MCM5: variants seen among roughly 807,000 people sequenced by gnomAD.
The protein encoded by MCM5 is minichromosome maintenance complex component 5.
MCM5 carries 46 observed loss-of-function variants against 79.9 expected under a neutral mutation model. That is an observed-to-expected ratio of 0.58 (90% CI 0.45 to 0.74). MCM5 has a LOEUF of 0.74. MCM5 is among the 30% of genes least tolerant of loss of function. The pLI, the probability that MCM5 is intolerant of heterozygous loss-of-function variation, is 0.00. For missense variants in MCM5, 883 were observed against 1,017.0 expected, an observed-to-expected ratio of 0.87 and a Z score of 1.79; for synonymous variants, 404 against 390.5, an observed-to-expected ratio of 1.03 and a Z score of -0.41.
chr22:35,408,355 G>A (rs1932278347), intron 5 of MCM5, 53 bp from the exon 6 acceptor site: 16 of 1,557,612 alleles, frequency 1.0e-5, no homozygotes, highest in African/African-American at 1.4e-5. Flanking sequence ...AATGAGCCCT[G>A]CCTTTGGATT....
intron 14 of MCM5, among the ~76,000 whole-genome samples, chr22:35,421,089 C>T (rs1286095671): frequency 6.9e-6 from 1 of 145,374 alleles, no homozygotes; most frequent in East Asian, 2.0e-4. Flanking sequence ...GATCATGCCA[C>T]TACATTCCAG....
rs1376159088 is a variant in MCM5, at chr22:35,421,403, G to A, written c.1918G>A (p.Ala640Thr). 2 of 1,614,004 alleles carry A rather than the reference G, an allele frequency of 1.2e-6. No homozygotes were observed. Among genetic ancestry groups the A allele is most frequent in the Non-Finnish European group, 1.7e-6 (2 of 1,180,052 alleles). The change falls in exon 15 of 17, where the codon GCC becomes ACC. Residue 640 changes from alanine (A) to threonine (T), a missense_variant. Physicochemically the swap from Ala to Thr is moderately conservative, Grantham distance 58. Coordinates refer to ENST00000216122, the MANE Select transcript of MCM5 (RefSeq NM_006739.4). ...PFATEADVEE[A>T]LRLFQVSTLD... Reference sequence around the variant, plus strand: ...CGCCACAGAGGCAGATGTGGAGGAGGCCCTGCGGCTCTTCCAAGTGTCCAC... The same window carrying A: ...CGCCACAGAGGCAGATGTGGAGGAGACCCTGCGGCTCTTCCAAGTGTCCAC...
At chr22:35,437,959 C>G in the MCM5 span, among the ~76,000 whole-genome samples, 1 of 152,120 alleles carries the variant, frequency 6.6e-6, no homozygotes, top group Non-Finnish European at 1.5e-5. Flanking sequence ...CCAGGACACA[C>G]AGCAAGTTAG....
intron 2 of MCM5, chr22:35,401,240 T>C (rs540941621): frequency 3.1e-4 from 117 of 375,504 alleles, no homozygotes; most frequent in South Asian, 2.1e-3. Context: ...ATCTTGTTCC[T>C]GTTCATCTGC....
intron 9 of MCM5, among the ~76,000 whole-genome samples, chr22:35,415,237 A>G (rs1378141177): frequency 6.6e-6 from 1 of 152,138 alleles, no homozygotes; most frequent in Admixed American, 6.5e-5. Context: ...AAACAGGTGA[A>G]GTTACTTCTG....
At chr22:35,446,689 G>A in the MCM5 span, among the ~76,000 whole-genome samples, 1 of 152,234 alleles carries the variant, frequency 6.6e-6, no homozygotes, top group East Asian at 1.9e-4. Context: ...AGGAATGGAA[G>A]CCTCCCTCAA....
At chr22:35,421,192 G>C (rs2072108476) in intron 14 of MCM5, 126 bp from the exon 15 acceptor site, 3 of 792,624 alleles carry the variant, frequency 3.8e-6, no homozygotes, top group Non-Finnish European at 3.9e-6. Flanking sequence ...GATGGATTAT[G>C]GGGACACCTA....
intron 12 of MCM5, 24 bp from the exon 13 acceptor site, chr22:35,417,720 C>G (rs1440275236): frequency 1.3e-6 from 2 of 1,538,220 alleles, no homozygotes; most frequent in Non-Finnish European, 1.8e-6. Context: ...TGTGGGATGA[C>G]CCATTATCCC....
At chr22:35,404,006 A>C (rs1932141129) in intron 4 of MCM5, among the ~76,000 whole-genome samples, 1 of 152,088 alleles carries the variant, frequency 6.6e-6, no homozygotes, top group African/African-American at 2.4e-5. Context: ...GGCTACTTGG[A>C]AGGCTGAAGT....
At chr22:35,440,914 G>A in the MCM5 span, among the ~76,000 whole-genome samples, 2 of 152,138 alleles carry the variant, frequency 1.3e-5, no homozygotes, top group East Asian at 1.9e-4. Context: ...AAAATTAGCC[G>A]GGTGTGGTGG....
intron 9 of MCM5, among the ~76,000 whole-genome samples, chr22:35,414,679 C>T (rs1432033202): frequency 1.3e-5 from 2 of 152,076 alleles, no homozygotes; most frequent in Non-Finnish European, 2.9e-5. Context: ...CCAGACACTG[C>T]TTGAAGTACT....
At chr22:35,436,118 C>T in the MCM5 span, among the ~76,000 whole-genome samples, 25 of 147,060 alleles carry the variant, frequency 1.7e-4, 1 homozygote, top group Middle Eastern at 3.2e-3. Flanking sequence ...GAACTGAGAT[C>T]GCACCACTGC....
rs761898056 is a variant in MCM5 at position 35,400,589 on chromosome 22, T to C, written c.151T>C (p.Phe51Leu). 11 of 1,611,184 alleles carry C rather than the reference T, an allele frequency of 6.8e-6. No homozygotes were observed. Among genetic ancestry groups the C allele is most frequent in the Middle Eastern group, 1.7e-4 (1 of 6,020 alleles). ...CCGAGTGGGCACCGACCGCACGGGC[T>C]TCACCTTCAAATACAGGTGCGGCTC... ...QYRVGTDRTGFTFKYRDELKR... is the reference protein window; with the variant it reads ...QYRVGTDRTGLTFKYRDELKR... Residue 51 changes from phenylalanine to leucine, a missense_variant, in exon 2 of 17, where the codon TTC (phenylalanine) becomes CTC (leucine). By Grantham distance (22) the Phe-to-Leu change is conservative. Transcript: ENST00000216122.
Position 35,400,500 on chromosome 22 carries a change from C to T in MCM5, c.62C>T (p.Ala21Val), listed in dbSNP as rs577905878. 2.2e-5 allele frequency: 35 copies of T among 1,614,108 alleles called. 1 individual carries two copies. In the South Asian group the frequency reaches 3.4e-4, roughly 16 times the overall value. ...GACAGCTTCGGGGGCGACGCCCAGG[C>T]CGACGAGGGGCAGGCCCGCAAATCG... ...YSDSFGGDAQ[A>V]DEGQARKSQL... The change falls in exon 2 of 17, where the codon GCC (alanine) becomes GTC (valine). Residue 21 changes from alanine (A) to valine (V), a missense_variant. Coordinates refer to ENST00000216122, the MANE Select transcript of MCM5 (RefSeq NM_006739.4).
chr22:35,406,462 C>G, intron 4 of MCM5, 91 bp from the exon 5 acceptor site: 1 of 1,268,208 alleles, frequency 7.9e-7, no homozygotes, highest in East Asian at 2.3e-5. Flanking sequence ...TGCCCACCTC[C>G]TCCAGGCTCC....
chr22:35,451,282 C>CAG, the MCM5 span, among the ~76,000 whole-genome samples: 102,515 of 151,960 alleles, frequency 0.67, 35,580 homozygotes, highest in Middle Eastern at 0.76. Context: ...TGAAGAATGA[C>CAG]GGGAGAACCA....
chr22:35,453,819 T>TATATATATAGAGAGAGAGAGAGAG, the MCM5 span, among the ~76,000 whole-genome samples: 8 of 81,544 alleles, frequency 9.8e-5, no homozygotes, highest in Admixed American at 6.6e-4. Context: ...TATATATATA[T>TATATATATAGAGAGAGAGAGAGAG]AGAGAGAGAG....
intron 8 of MCM5, among the ~76,000 whole-genome samples, chr22:35,413,466 G>A (rs1025681705): frequency 6.6e-6 from 1 of 152,142 alleles, no homozygotes; most frequent in Non-Finnish European, 1.5e-5. Flanking sequence ...GAGTTAAAGG[G>A]ACTTGCTCCC....
In MCM5 at chr22:35,421,381, C is replaced by T. The variant is rs779536216; in HGVS notation, c.1896C>T (p.Ala632=). The T allele has an allele frequency of 1.9e-5, 31 of 1,614,150 alleles. No individual in the cohort carries two copies. The highest frequency in any genetic ancestry group is 1.5e-5 in the Non-Finnish European group (18 of 1,180,034). ...GCAAGATGAAGCTGCAGCCCTTCGC[C>T]ACAGAGGCAGATGTGGAGGAGGCCC... ...ALSKMKLQPF[A]TEADVEEALR... is the part of the protein sequence containing the mutation. The change falls in exon 15 of 17, where the codon GCC becomes GCT. Residue 632 remains alanine (A), a synonymous_variant. Coordinates refer to ENST00000216122, the MANE Select transcript of MCM5 (RefSeq NM_006739.4).
Sources: gnomAD v4.1 joint callset for allele counts (sites outside exome capture counted in the v4.1 genomes callset) on GRCh38, gnomAD v4.1.1 for gene constraint, MANE v1.5 for transcripts, NCBI Gene and HGNC (gene_info 2026-07-23, HGNC 2026-07-21) for gene names.